The following SHANK2 variants were observed in gnomAD, a reference collection of about 807,000 sequenced individuals.
SHANK2 encodes SH3 and multiple ankyrin repeat domains 2.
A neutral mutation model predicts 133.7 loss-of-function variants in SHANK2; 43 were observed. The ratio of observed to expected loss-of-function variants is 0.32; its 90% confidence interval spans 0.25 to 0.41. The LOEUF (loss-of-function observed/expected upper bound fraction) is 0.41, where lower values mean the gene tolerates loss of function less well. Among genes scored for constraint, SHANK2 ranks in the 10% least tolerant of loss-of-function variants. The pLI is 1.00. For missense variants in SHANK2, 1,994 were observed against 2,235.8 expected, an observed-to-expected ratio of 0.89 and a Z score of 2.18; for synonymous variants, 1,017 against 952.8, an observed-to-expected ratio of 1.07 and a Z score of -1.24.
rs1298422162 is a variant in SHANK2, at chr11:70,479,784, C to T, written c.4979+5530G>A. On this transcript the variant is annotated intron_variant, in intron 25 of 25. Coordinates refer to ENST00000601538, the MANE Select transcript of SHANK2 (RefSeq NM_012309.5). The surrounding 1 kb of genome is among the most constrained non-coding windows in gnomAD (Gnocchi z 4.4). ...CATCAGATTTATCTGGCTTTACTAT[C>T]GGCGCCTGGTATGTGTCAGTATCTC... Among the ~76,000 whole-genome samples, 2 of 152,226 alleles carry T rather than the reference C, an allele frequency of 1.3e-5. No individual in the cohort carries two copies. Among genetic ancestry groups the T allele is most frequent in the East Asian group, 1.9e-4 (1 of 5,202 alleles).
intron 14 of SHANK2, among the ~76,000 whole-genome samples, chr11:70,784,524 C>T (rs1191492919): frequency 1.3e-5 from 2 of 151,670 alleles, no homozygotes; most frequent in Non-Finnish European, 2.9e-5. Flanking sequence ...AGGCTGGTCT[C>T]GAACTCCTGA....
chr11:71,136,046 C>T (rs1952432959), intron 3 of SHANK2, among the ~76,000 whole-genome samples: 1 of 152,060 alleles, frequency 6.6e-6, no homozygotes, highest in African/African-American at 2.4e-5. Context: ...CAGGAGGACG[C>T]CTACATTCTG....
intron 15 of SHANK2, among the ~76,000 whole-genome samples, chr11:70,662,453 C>G (rs1555013751): frequency 6.6e-6 from 1 of 152,086 alleles, no homozygotes; most frequent in South Asian, 2.1e-4. Context: ...CTCTCTGCAT[C>G]CCCCCCTCCA....
chr11:71,174,498 G>A (rs933615692), intron 2 of SHANK2, among the ~76,000 whole-genome samples: 11 of 151,930 alleles, frequency 7.2e-5, no homozygotes, highest in African/African-American at 2.7e-4. Flanking sequence ...TGGCCAACAT[G>A]GTGAAACCCC....
intron 15 of SHANK2, among the ~76,000 whole-genome samples, chr11:70,671,144 A>G (rs1944795608): frequency 6.6e-6 from 1 of 152,176 alleles, no homozygotes; most frequent in Non-Finnish European, 1.5e-5. Context: ...ACCCACAAGC[A>G]TTTCCTGAGC....
At chr11:70,753,706 T>C (rs1555037973) in intron 14 of SHANK2, among the ~76,000 whole-genome samples, 2 of 152,214 alleles carry the variant, frequency 1.3e-5, no homozygotes, top group African/African-American at 2.4e-5. Context: ...AAGTCTAAGA[T>C]AAATTTGACA....
At chr11:70,803,054 G>A (rs1016997841) in intron 13 of SHANK2, among the ~76,000 whole-genome samples, 1 of 152,168 alleles carries the variant, frequency 6.6e-6, no homozygotes, top group Non-Finnish European at 1.5e-5. Context: ...CCCAGAGGAA[G>A]GGACATGGCA....
In SHANK2 at chr11:71,119,001, AC is replaced by A. The variant is rs1425016740; in HGVS notation, c.238del (p.Val80CysfsTer12). ...CAGGATCCGCTGCTTTGCAACCCAC[AC>A]TGTGGCATCCGGGTTAAATCGAATG... The part of the protein sequence containing the change: ...KCIRFNPDAT[V>X]WVAKQRILCT... On this transcript the variant is annotated frameshift_variant, in exon 4 of 26. Transcript: ENST00000601538. LOFTEE classifies it high-confidence loss of function. 6.4e-7 allele frequency: 1 copy of A among 1,551,558 alleles called. No homozygotes were observed. The highest frequency in any genetic ancestry group is 1.4e-5 in the African/African-American group (1 of 73,024).
At chr11:70,936,757 G>A (rs1436183590) in intron 10 of SHANK2, among the ~76,000 whole-genome samples, 3 of 152,208 alleles carry the variant, frequency 2.0e-5, no homozygotes, top group South Asian at 2.1e-4. Flanking sequence ...CTCGCCTCCC[G>A]GACTCCAGCC....
At chr11:70,866,961 C>G (rs376898819) in intron 11 of SHANK2, among the ~76,000 whole-genome samples, 1 of 151,970 alleles carries the variant, frequency 6.6e-6, no homozygotes. Flanking sequence ...TTCACTCCCT[C>G]GCTGTGGCTC....
chr11:70,828,828 G>A (rs1948685165), intron 11 of SHANK2, among the ~76,000 whole-genome samples: 1 of 152,234 alleles, frequency 6.6e-6, no homozygotes, highest in Admixed American at 6.5e-5. Context: ...AAAGCGCAGG[G>A]AACTCTCGGG....
intron 17 of SHANK2, among the ~76,000 whole-genome samples, chr11:70,594,237 C>T (rs782335561): frequency 3.3e-4 from 51 of 152,290 alleles, no homozygotes; most frequent in Non-Finnish European, 4.6e-4. Flanking sequence ...TTTGACATGC[C>T]GGGGCGTGGG....
chr11:70,496,572 G>C (rs1002143398), intron 21 of SHANK2, among the ~76,000 whole-genome samples: 1 of 152,212 alleles, frequency 6.6e-6, no homozygotes, highest in Non-Finnish European at 1.5e-5. Context: ...TGGAAGTTCT[G>C]GGCCGATCAT....
chr11:70,685,551 C>T (rs543101587), intron 15 of SHANK2, among the ~76,000 whole-genome samples: 1 of 152,312 alleles, frequency 6.6e-6, no homozygotes, highest in African/African-American at 2.4e-5. Flanking sequence ...TGACCAAGCT[C>T]CCTGACAGGG....
intron 2 of SHANK2, among the ~76,000 whole-genome samples, chr11:71,165,412 A>G (rs868917396): frequency 2.0e-5 from 3 of 152,176 alleles, no homozygotes; most frequent in Non-Finnish European, 4.4e-5. Context: ...TGGCGAGAGA[A>G]TCTCTTGCAG....
intron 2 of SHANK2, among the ~76,000 whole-genome samples, chr11:71,201,082 G>T (rs1183673104): frequency 6.6e-6 from 1 of 152,120 alleles, no homozygotes; most frequent in African/African-American, 2.4e-5. Context: ...GACAGTGATG[G>T]TTTAAGACAA....
At chr11:71,141,528 G>C (rs1285063021) in intron 3 of SHANK2, among the ~76,000 whole-genome samples, 3 of 152,030 alleles carry the variant, frequency 2.0e-5, no homozygotes, top group Non-Finnish European at 4.4e-5. Flanking sequence ...ACAACAACAA[G>C]AAGATGTGAC....
At chr11:70,829,708 A>G (rs374987888) in intron 11 of SHANK2, among the ~76,000 whole-genome samples, 3 of 152,270 alleles carry the variant, frequency 2.0e-5, no homozygotes, top group African/African-American at 7.2e-5. Context: ...GACACCTTCA[A>G]TTCTTTCAAT....
intron 3 of SHANK2, among the ~76,000 whole-genome samples, chr11:71,140,869 C>T (rs782671007): frequency 7.9e-5 from 12 of 152,314 alleles, no homozygotes; most frequent in East Asian, 3.9e-4. Context: ...GCCTTCCTGC[C>T]GGGAATTCAA....
Sources: allele counts gnomAD v4.1 joint callset (sites outside exome capture counted in the v4.1 genomes callset), GRCh38; gene constraint gnomAD v4.1.1; non-coding constraint Gnocchi (gnomAD v3.1); transcripts MANE v1.5; gene names NCBI Gene and HGNC (gene_info 2026-07-23, HGNC 2026-07-21).